The following TSPAN5 variants were observed in gnomAD, a reference collection of about 807,000 sequenced individuals.
TSPAN5 encodes the protein tetraspanin-5.
In TSPAN5, 10 loss-of-function variants were observed where a neutral mutation model predicts 37.1. The observed-to-expected ratio is 0.27, with a 90% CI of 0.17 to 0.46. The LOEUF (loss-of-function observed/expected upper bound fraction) is 0.46. Among genes scored for constraint, TSPAN5 ranks in the 20% least tolerant of loss-of-function variants. TSPAN5 has a pLI of 1.00. For missense variants in TSPAN5, 195 were observed against 326.6 expected, an observed-to-expected ratio of 0.60 and a Z score of 3.11; for synonymous variants, 110 against 118.9, an observed-to-expected ratio of 0.93 and a Z score of 0.48.
At chr4:98,621,948 T>C (rs1032390701) in intron 1 of TSPAN5, among the ~76,000 whole-genome samples, 4 of 152,218 alleles carry the variant, frequency 2.6e-5, no homozygotes, top group African/African-American at 9.7e-5. Context: ...TGTTGTAGCA[T>C]GTATCATTAC....
intron 1 of TSPAN5, among the ~76,000 whole-genome samples, chr4:98,581,368 C>G (rs72904109): frequency 0.011 from 1,612 of 152,176 alleles, 27 homozygotes; most frequent in African/African-American, 0.036. Flanking sequence ...TTTACCAACC[C>G]AGCTGTATCA....
chr4:98,504,580 T>G (rs376729881), intron 2 of TSPAN5, among the ~76,000 whole-genome samples: 1 of 152,234 alleles, frequency 6.6e-6, no homozygotes, highest in African/African-American at 2.4e-5. Context: ...GGACAGCCTA[T>G]GGTCATGTGT....
At chr4:98,477,744 C>T (rs532902731) in intron 5 of TSPAN5, among the ~76,000 whole-genome samples, 6 of 151,504 alleles carry the variant, frequency 4.0e-5, no homozygotes, top group Non-Finnish European at 7.4e-5. Context: ...TCACTGCAGC[C>T]TCAAACTCCT....
At chr4:98,622,136 G>C (rs186453950) in intron 1 of TSPAN5, among the ~76,000 whole-genome samples, 3 of 152,272 alleles carry the variant, frequency 2.0e-5, no homozygotes, top group Admixed American at 2.0e-4. Context: ...CTGGAATGCA[G>C]TGGCACGATC....
chr4:98,569,872 T>C (rs558815725), intron 1 of TSPAN5, among the ~76,000 whole-genome samples: 2 of 152,174 alleles, frequency 1.3e-5, no homozygotes, highest in Admixed American at 6.5e-5. Context: ...TCACAAACAT[T>C]TACTGAGTGT....
chr4:98,587,811 C>T (rs554159199), intron 1 of TSPAN5, among the ~76,000 whole-genome samples: 2 of 152,142 alleles, frequency 1.3e-5, no homozygotes, highest in African/African-American at 4.8e-5. Context: ...ATCGCTTGAA[C>T]TGAGGAGGCG....
intron 1 of TSPAN5, among the ~76,000 whole-genome samples, chr4:98,652,355 C>T (rs1313923165): frequency 6.6e-6 from 1 of 152,234 alleles, no homozygotes; most frequent in Non-Finnish European, 1.5e-5. Flanking sequence ...GTCTACAATA[C>T]TCCAATTTTC....
rs368579455 is a variant in TSPAN5, at chr4:98,471,876, G to T, written c.*646C>A. 6.6e-6 allele frequency: 1 copy of T among 152,152 alleles called. No individual in the cohort carries two copies. The highest frequency in any genetic ancestry group is 2.4e-5 in the African/African-American group (1 of 41,422). 9.4% of individuals were successfully genotyped at this position (152,152 alleles called of 1,614,324 possible). A position where few individuals can be genotyped will look rare whatever the true frequency, so the allele number is the denominator to read the frequency against. On this transcript the variant is annotated 3_prime_UTR_variant, in exon 8 of 8. Transcript: ENST00000305798. The stretch of plus-strand genomic sequence containing the variant: ...ATGACGTCTTCCAATGCCCTTGCTC[G>T]GTGCACATGAAATACACAACTTCTC...
At chr4:98,533,055 G>T (rs1754135120) in intron 1 of TSPAN5, among the ~76,000 whole-genome samples, 1 of 152,286 alleles carries the variant, frequency 6.6e-6, no homozygotes, top group Non-Finnish European at 1.5e-5. Flanking sequence ...CATCGTGGTG[G>T]ATAAGCTTTT....
At chr4:98,548,011 C>CAAAAAAAAA in intron 1 of TSPAN5, among the ~76,000 whole-genome samples, 1 of 89,334 alleles carries the variant, frequency 1.1e-5, no homozygotes. Context: ...GACTCTGTCT[C>CAAAAAAAAA]AAAAAAAAAA....
At chr4:98,581,613 ATTAAC>A (rs1755372312) in intron 1 of TSPAN5, among the ~76,000 whole-genome samples, 1 of 152,206 alleles carries the variant, frequency 6.6e-6, no homozygotes, top group African/African-American at 2.4e-5. Context: ...TCCAAAACGG[ATTAAC>A]TTTTTATTGA....
At position 98,652,936 on chromosome 4, in the gene TSPAN5, G is replaced by A. The variant is rs141550881; in HGVS notation, c.81+5210C>T. ...TCAATCTGCGGAGTATATCAAGTGA[G>A]AATGCTTCTGCGCCTTCATACTGCC... On this transcript the variant is annotated intron_variant, in intron 1 of 7. Transcript: ENST00000305798. Among the ~76,000 whole-genome samples the A allele has an allele frequency of 1.6e-4, 24 of 152,300 alleles. 1 individual carries two copies. The highest frequency in any genetic ancestry group is 5.8e-4 in the African/African-American group (24 of 41,560).
At chr4:98,575,828 T>C (rs1483498659) in intron 1 of TSPAN5, among the ~76,000 whole-genome samples, 1 of 150,386 alleles carries the variant, frequency 6.6e-6, no homozygotes, top group Non-Finnish European at 1.5e-5. Flanking sequence ...TCCCAGCACT[T>C]TGGGAGGCTG....
chr4:98,571,846 A>T (rs909087197), intron 1 of TSPAN5, among the ~76,000 whole-genome samples: 1 of 152,248 alleles, frequency 6.6e-6, no homozygotes, highest in Non-Finnish European at 1.5e-5. Context: ...AACAATATGT[A>T]CTACCAGACA....
chr4:98,629,805 A>G (rs550070021), intron 1 of TSPAN5, among the ~76,000 whole-genome samples: 24 of 152,376 alleles, frequency 1.6e-4, no homozygotes, highest in Non-Finnish European at 2.5e-4. Flanking sequence ...TCACAAAGGT[A>G]CAGACTGTTA....
chr4:98,561,019 A>G (rs906373739), intron 1 of TSPAN5, among the ~76,000 whole-genome samples: 2 of 152,250 alleles, frequency 1.3e-5, no homozygotes, highest in Non-Finnish European at 2.9e-5. Context: ...CCAAAACTCC[A>G]TTTTGTCTTT....
chr4:98,635,102 T>A (rs1444910658), intron 1 of TSPAN5, among the ~76,000 whole-genome samples: 2 of 152,216 alleles, frequency 1.3e-5, no homozygotes, highest in Non-Finnish European at 2.9e-5. Flanking sequence ...TGCACCTGCA[T>A]ATCTTTCCAC....
At chr4:98,649,410 G>A (rs1403669977) in intron 1 of TSPAN5, among the ~76,000 whole-genome samples, 1 of 152,146 alleles carries the variant, frequency 6.6e-6, no homozygotes, top group Non-Finnish European at 1.5e-5. Context: ...TAACTGGAGG[G>A]TTAGGGCTTC....
At position 98,470,651 on chromosome 4, in the gene TSPAN5, G is replaced by C. The variant is rs985609845; in HGVS notation, c.*1871C>G. 6.6e-6 allele frequency: 1 copy of C among 152,196 alleles called. No individual in the cohort carries two copies. Among genetic ancestry groups the C allele is most frequent in the East Asian group, 1.9e-4 (1 of 5,196 alleles). 9.4% of individuals were successfully genotyped at this position (152,196 alleles called of 1,614,324 possible). A position where few individuals can be genotyped will look rare whatever the true frequency, so the allele number is the denominator to read the frequency against. ...TTACAAAATGGCAACTGTGGTGGGG[G>C]CAGAGATGAAGTAAGACAACCTTAC... On this transcript the variant is annotated 3_prime_UTR_variant, in exon 8 of 8. Transcript: ENST00000305798.
Sources: gnomAD v4.1 joint callset for allele counts (sites outside exome capture counted in the v4.1 genomes callset) on GRCh38, gnomAD v4.1.1 for gene constraint, MANE v1.5 for transcripts, NCBI Gene and HGNC (gene_info 2026-07-23, HGNC 2026-07-21) for gene names.